The following CLBA1 variants were observed in gnomAD, a reference collection of about 807,000 sequenced individuals.
The protein encoded by CLBA1 is uncharacterized protein CLBA1.
A neutral mutation model predicts 28.8 loss-of-function variants in CLBA1; 30 were observed. The observed-to-expected ratio is 1.04, with a 90% confidence interval of 0.78 to 1.41. The LOEUF (loss-of-function observed/expected upper bound fraction) is 1.41, where lower values mean the gene tolerates loss of function less well. Among genes scored for constraint, CLBA1 ranks in the 40% most tolerant of loss-of-function variants. The pLI, the probability that CLBA1 is intolerant of heterozygous loss-of-function variation, is 0.00. For synonymous variants in CLBA1, 160 were observed against 152.8 expected (o/e 1.05, Z -0.35); for missense variants, 451 against 412.3 (o/e 1.09, Z -0.81).
In CLBA1 at chr14:104,993,892, G is replaced by A. The variant is rs1009766194; in HGVS notation, c.817-706G>A. On this transcript the variant is annotated intron_variant, in intron 4 of 4. Coordinates refer to ENST00000547315, the MANE Select transcript of CLBA1 (RefSeq NM_174891.4). ...AGTACTGCCCTGTGGCCTGGTAGGA[G>A]GTAACAAGGACCTGAGACTGAGCTG... 6 of 985,316 alleles carry A rather than the reference G, an allele frequency of 6.1e-6. No homozygotes were observed. In the Admixed American group the frequency reaches 3.7e-4, roughly 61 times the overall value. 61.0% of individuals were successfully genotyped at this position (985,316 alleles called of 1,614,324 possible).
rs760722389 is a variant in CLBA1, at chr14:104,989,093, T to C, written c.569+5T>C. On this transcript the variant is annotated splice_donor_5th_base_variant and intron_variant, in intron 2 of 4. Transcript: ENST00000547315. ...TGAACGTGTACATAAATTGTGGTAA[T>C]GAACTGAAGAAATATTTCTTACAGC... 3.7e-6 allele frequency: 6 copies of C among 1,600,970 alleles called. No homozygotes were observed. The East Asian group carries it at 6.7e-5, about 18-fold the overall frequency.
rs754378715 is a variant in CLBA1 at position 104,991,533 on chromosome 14, C to T, written c.612C>T (p.His204=). The T allele has an allele frequency of 4.3e-6, 7 of 1,614,004 alleles. No homozygotes were observed. In the South Asian group the frequency reaches 7.7e-5, roughly 18 times the overall value. Residue 204 remains histidine (H), a synonymous_variant, in exon 3 of 5, where the codon CAC becomes CAT. Coordinates refer to ENST00000547315, the MANE Select transcript of CLBA1 (RefSeq NM_174891.4). ...RKLWRALQSI[H]TTSTSQRLWS... is the part of the protein sequence containing the mutation. ...TCTGGAGAGCCCTTCAGAGCATACACACCACGTCTACTTCTCAGCGCCTCT... is the reference window on the plus strand; with the variant it reads ...TCTGGAGAGCCCTTCAGAGCATACATACCACGTCTACTTCTCAGCGCCTCT...
intron 1 of CLBA1, among the ~76,000 whole-genome samples, chr14:104,987,880 G>A (rs1258822082): frequency 1.3e-5 from 2 of 151,248 alleles, no homozygotes; most frequent in East Asian, 1.9e-4. Context: ...CAGGTGATCC[G>A]CCCGCCTCGG....
In CLBA1 at chr14:104,992,946, A is replaced by C. The variant is rs1245132528; in HGVS notation, c.700-2A>C. ...GCTGTCTGATGGGGTCTGTCTCCTT[A>C]GAACCTTTCTGGAGGCCAGGGCCAC... On this transcript the variant is annotated splice_acceptor_variant, in intron 3 of 4. Transcript: ENST00000547315. LOFTEE classifies it high-confidence loss of function. The C allele has an allele frequency of 6.2e-7, 1 of 1,611,102 alleles. No individual in the cohort carries two copies. Among genetic ancestry groups the C allele is most frequent in the Admixed American group, 1.7e-5 (1 of 60,022 alleles).
chr14:104,998,002 CTA>C (rs2140901705), downstream of CLBA1, among the ~76,000 whole-genome samples: 1 of 150,936 alleles, frequency 6.6e-6, no homozygotes, highest in South Asian at 2.1e-4. Context: ...GAGTGAGACT[CTA>C]TCTCAAAAAA....
At chr14:104,991,369 C>T in intron 2 of CLBA1, 122 bp from the exon 3 acceptor site, 1 of 1,217,998 alleles carries the variant, frequency 8.2e-7, no homozygotes, top group Non-Finnish European at 1.2e-6. Context: ...CGCCTCTTGG[C>T]TTGTGCGCGT....
At chr14:104,989,207 T>C in intron 2 of CLBA1, 119 bp downstream of exon 2, 1 of 1,023,996 alleles carries the variant, frequency 9.8e-7, no homozygotes, top group Non-Finnish European at 1.4e-6. Context: ...CTGAGGTCCC[T>C]GCCATCTGTG....
At chr14:104,996,318 C>T (rs887329931), downstream of CLBA1, among the ~76,000 whole-genome samples, 11 of 152,302 alleles carry the variant, frequency 7.2e-5, no homozygotes, top group Admixed American at 1.3e-4. Flanking sequence ...AGGGACCAGG[C>T]GACGTACATG....
rs1488013474 is a variant in CLBA1 at position 104,986,615 on chromosome 14, T to TCCA, written c.187_189dup (p.Thr63dup). 1.9e-6 allele frequency: 3 copies of TCCA among 1,614,062 alleles called. No individual in the cohort carries two copies. The highest frequency in any genetic ancestry group is 1.7e-6 in the Non-Finnish European group (2 of 1,179,998). ...CATCTCCATGCCCCGTGAGGGCGGT[T>TCCA]CCACCTGCACTGCCCGATGTCCTGA... is the stretch of plus-strand genomic sequence containing the variant. On this transcript the variant is annotated inframe_insertion, in exon 1 of 5. Coordinates refer to ENST00000547315, the MANE Select transcript of CLBA1 (RefSeq NM_174891.4).
downstream of CLBA1, chr14:104,995,637 A>G (rs748977622): frequency 9.8e-6 from 3 of 306,244 alleles, no homozygotes; most frequent in Non-Finnish European, 1.4e-5. Context: ...AAGGCCACAC[A>G]GGGGACCATA....
chr14:104,992,324 G>T (rs1230914658), intron 3 of CLBA1, among the ~76,000 whole-genome samples: 1 of 152,242 alleles, frequency 6.6e-6, no homozygotes, highest in Non-Finnish European at 1.5e-5. Context: ...GGCTGTCGCA[G>T]AAAACGCCAG....
intron 3 of CLBA1, among the ~76,000 whole-genome samples, chr14:104,992,235 C>T (rs1245954277): frequency 2.0e-5 from 3 of 151,870 alleles, no homozygotes; most frequent in African/African-American, 7.3e-5. Context: ...ACGCACACGC[C>T]ACCAAGCACA....
chr14:104,992,737 G>A (rs1001297170), intron 3 of CLBA1, among the ~76,000 whole-genome samples: 14 of 152,330 alleles, frequency 9.2e-5, no homozygotes, highest in African/African-American at 2.4e-5. Context: ...GTTGAGGGGC[G>A]CTGAGGTCCT....
At position 104,994,775 on chromosome 14, in the gene CLBA1, G is replaced by C. The variant is rs1900128234; in HGVS notation, c.*16G>C. On this transcript the variant is annotated 3_prime_UTR_variant, in exon 5 of 5. Coordinates refer to ENST00000547315, the MANE Select transcript of CLBA1 (RefSeq NM_174891.4). Reference sequence around the variant, plus strand: ...CGTTTGCTAAAATCAGGAGGACTTTGTACCTTTATGAGGAATTTTTCATTT... The same window carrying C: ...CGTTTGCTAAAATCAGGAGGACTTTCTACCTTTATGAGGAATTTTTCATTT... 1 of 1,586,520 alleles carries C rather than the reference G, an allele frequency of 6.3e-7. No individual in the cohort carries two copies. Among genetic ancestry groups the C allele is most frequent in the Middle Eastern group, 1.7e-4 (1 of 5,894 alleles).
In CLBA1 at chr14:104,986,285, C is replaced by CA; in HGVS notation, c.-146dup. The CA allele has an allele frequency of 1.3e-6, 1 of 789,438 alleles. No individual in the cohort carries two copies. The highest frequency in any genetic ancestry group is 2.0e-6 in the Non-Finnish European group (1 of 509,130). 48.9% of individuals were successfully genotyped at this position (789,438 alleles called of 1,614,324 possible). A position where few individuals can be genotyped will look rare whatever the true frequency, so the allele number is the denominator to read the frequency against. On this transcript the variant is annotated 5_prime_UTR_variant, in exon 1 of 5. Coordinates refer to ENST00000547315, the MANE Select transcript of CLBA1 (RefSeq NM_174891.4). ...CACGTGGGCACTTTCCACCGTCAGC[C>CA]ACTGGGCAGCCCGGGGCACTCCTGC...
At chr14:104,992,375 G>C (rs1900059046) in intron 3 of CLBA1, among the ~76,000 whole-genome samples, 1 of 152,250 alleles carries the variant, frequency 6.6e-6, no homozygotes, top group Admixed American at 6.5e-5. Flanking sequence ...AGATTTCAAT[G>C]ATCTTTCCTC....
intron 4 of CLBA1, chr14:104,993,727 C>T (rs1900099755): frequency 7.1e-6 from 7 of 985,336 alleles, no homozygotes; most frequent in Non-Finnish European, 8.4e-6. Context: ...CCAGGCCTAG[C>T]TCACCTGGTT....
chr14:104,989,527 TCAGCCCCAGGCC>T (rs1387270104), intron 2 of CLBA1: 4 of 452,704 alleles, frequency 8.8e-6, no homozygotes, highest in Non-Finnish European at 1.8e-5. Context: ...AGCCCCATTG[TCAGCCCCAGGCC>T]CAGCCCCAGG....
At chr14:104,996,629 CGAG>C (rs998958834), downstream of CLBA1, among the ~76,000 whole-genome samples, 3 of 152,168 alleles carry the variant, frequency 2.0e-5, no homozygotes, top group African/African-American at 7.2e-5. Context: ...GGGCGCAAGG[CGAG>C]GGGCTGGAAT....
Sources: allele counts gnomAD v4.1 joint callset (sites outside exome capture counted in the v4.1 genomes callset), GRCh38; gene constraint gnomAD v4.1.1; transcripts MANE v1.5; gene names NCBI Gene and HGNC (gene_info 2026-07-23, HGNC 2026-07-21).